HSD17B3: variants seen among roughly 807,000 people sequenced by gnomAD.
HSD17B3 encodes hydroxysteroid 17-beta dehydrogenase 3.
Under a neutral mutation model 41.1 loss-of-function variants are expected in HSD17B3, and 29 were observed. The ratio of observed to expected loss-of-function variants is 0.71; its 90% CI spans 0.53 to 0.96. The LOEUF (loss-of-function observed/expected upper bound fraction) is 0.96. Among genes scored for constraint, HSD17B3 ranks in the 40% least tolerant of loss-of-function variants. The probability of loss-of-function intolerance (pLI) is 0.00; values close to 1 mark genes in which losing one functional copy is unlikely to be tolerated. For missense variants in HSD17B3, 323 were observed against 374.6 expected, an observed-to-expected ratio of 0.86 and a Z score of 1.14; for synonymous variants, 126 against 145.6, an observed-to-expected ratio of 0.87 and a Z score of 0.97.
chr9:96,242,012 A>AAAGAGAAAG, intron 9 of HSD17B3, among the ~76,000 whole-genome samples: 1 of 133,918 alleles, frequency 7.5e-6, no homozygotes, highest in Non-Finnish European at 1.7e-5. Flanking sequence ...AAAGAGAAAG[A>AAAGAGAAAG]AAAGAAAGAA....
At chr9:96,263,744 A>T (rs186083743) in intron 2 of HSD17B3, among the ~76,000 whole-genome samples, 187 of 152,062 alleles carry the variant, frequency 1.2e-3, no homozygotes, top group African/African-American at 4.3e-3. Flanking sequence ...AATAAATAAA[A>T]AATAAAAATA....
At chr9:96,292,896 C>T (rs1459247953) in intron 2 of HSD17B3, among the ~76,000 whole-genome samples, 1 of 152,142 alleles carries the variant, frequency 6.6e-6, no homozygotes, top group African/African-American at 2.4e-5. Flanking sequence ...TTTTCAAGTG[C>T]TGAAAGAAAA....
chr9:96,260,415 G>T (rs2130742918), intron 2 of HSD17B3, among the ~76,000 whole-genome samples: 1 of 152,248 alleles, frequency 6.6e-6, no homozygotes, highest in South Asian at 2.1e-4. Context: ...GATCTAACCA[G>T]CCCCTTGTCT....
intron 10 of HSD17B3, chr9:96,239,483 G>A (rs1836350087): frequency 6.6e-6 from 1 of 152,234 alleles, no homozygotes; most frequent in South Asian, 2.1e-4. Context: ...CTGCTTTGTA[G>A]TGTGAGTTAC....
At chr9:96,278,825 C>G (rs747539699) in intron 2 of HSD17B3, among the ~76,000 whole-genome samples, 11 of 152,152 alleles carry the variant, frequency 7.2e-5, no homozygotes, top group Non-Finnish European at 1.2e-4. Flanking sequence ...GCAGATGGTG[C>G]CTTACAAGGC....
intron 2 of HSD17B3, among the ~76,000 whole-genome samples, chr9:96,295,002 C>CTT (rs10541572): frequency 5.0e-4 from 33 of 66,170 alleles, no homozygotes; most frequent in Admixed American, 7.2e-4. Context: ...ACACGAGGAG[C>CTT]TTTTTTTTTT....
At position 96,283,009 on chromosome 9, in the gene HSD17B3, T is replaced by C. The variant is rs1184923778; in HGVS notation, c.201+15407A>G. Among the ~76,000 whole-genome samples the C allele has an allele frequency of 1.9e-3, 234 of 121,104 alleles. 1 individual carries two copies. Among genetic ancestry groups the C allele is most frequent in the Non-Finnish European group, 3.3e-3 (186 of 57,134 alleles). 79.4% of individuals were successfully genotyped at this position (121,104 alleles called of 152,430 possible). A position where few individuals can be genotyped will look rare whatever the true frequency, so the allele number is the denominator to read the frequency against. The stretch of plus-strand genomic sequence containing the variant: ...GTTTCTTTCTTTTTTTTTTTTTTTT[T>C]TTTTTTTTTTTTAGAGATGGAGTTT... On this transcript the variant is annotated intron_variant, in intron 2 of 10. Coordinates refer to ENST00000375263, the MANE Select transcript of HSD17B3 (RefSeq NM_000197.2).
intron 2 of HSD17B3, among the ~76,000 whole-genome samples, chr9:96,255,260 C>T (rs1250136291): frequency 2.0e-5 from 3 of 150,510 alleles, no homozygotes; most frequent in Non-Finnish European, 4.4e-5. Context: ...TTCATGGGCT[C>T]AGCTATGCAT....
At position 96,267,533 on chromosome 9, in the gene HSD17B3, G is replaced by T. The variant is rs185963083; in HGVS notation, c.202-12590C>A. On this transcript the variant is annotated intron_variant, in intron 2 of 10. Coordinates refer to ENST00000375263, the MANE Select transcript of HSD17B3 (RefSeq NM_000197.2). ...ACTACGTCTATGAAAAGAACACGCT[G>T]CTCCACAAATGAAAATTCAAAAACG... is the stretch of plus-strand genomic sequence containing the variant. Among the ~76,000 whole-genome samples the T allele has an allele frequency of 2.9e-3, 438 of 151,936 alleles. 2 individuals carry two copies. The highest frequency in any genetic ancestry group is 9.6e-3 in the African/African-American group (397 of 41,434).
At chr9:96,257,288 T>G (rs1221470697) in intron 2 of HSD17B3, among the ~76,000 whole-genome samples, 2 of 152,220 alleles carry the variant, frequency 1.3e-5, no homozygotes. Context: ...TCTATTTGTA[T>G]TTATTAAATT....
At chr9:96,285,048 A>C (rs1043937000) in intron 2 of HSD17B3, among the ~76,000 whole-genome samples, 1 of 152,180 alleles carries the variant, frequency 6.6e-6, no homozygotes, top group African/African-American at 2.4e-5. Flanking sequence ...CATGTTGGCC[A>C]GGCTGGTCTT....
At chr9:96,251,113 T>C in intron 5 of HSD17B3, 1 of 410,544 alleles carries the variant, frequency 2.4e-6, no homozygotes, top group Admixed American at 3.7e-5. Flanking sequence ...TGCGAATGTG[T>C]TAGGCAGAAT....
At chr9:96,259,001 G>A (rs1006071693) in intron 2 of HSD17B3, among the ~76,000 whole-genome samples, 1 of 152,174 alleles carries the variant, frequency 6.6e-6, no homozygotes. Flanking sequence ...CATCTTTACC[G>A]CCAGGTCTCT....
Position 96,298,676 on chromosome 9 carries a change from TGTTGGTTG to T in HSD17B3, c.155-222_155-215del, listed in dbSNP as rs552741682. Reference sequence around the variant, plus strand: ...GGGTGGGTTGGTTGGTTGGTTGGTTTGTTGGTTGGTTGGTTGGTTGGTTAGTTGGTGTT... The same window carrying T: ...GGGTGGGTTGGTTGGTTGGTTGGTTTGTTGGTTGGTTGGTTAGTTGGTGTT... On this transcript the variant is annotated intron_variant, in intron 1 of 10. Transcript: ENST00000375263. Among the ~76,000 whole-genome samples, 232 of 152,004 alleles carry T rather than the reference TGTTGGTTG, an allele frequency of 1.5e-3. 1 individual carries two copies. Among genetic ancestry groups the T allele is most frequent in the Non-Finnish European group, 2.9e-3 (194 of 67,974 alleles).
In HSD17B3 at chr9:96,272,622, G is replaced by A. The variant is rs914850358; in HGVS notation, c.202-17679C>T. On this transcript the variant is annotated intron_variant, in intron 2 of 10. Coordinates refer to ENST00000375263, the MANE Select transcript of HSD17B3 (RefSeq NM_000197.2). ...AAAATGGATCATTCATACACTGCTAGGGGAATACAGCAACTGTGGAAAAGA... is the reference window on the plus strand; with the variant it reads ...AAAATGGATCATTCATACACTGCTAAGGGAATACAGCAACTGTGGAAAAGA... 3.3e-5 allele frequency among the ~76,000 whole-genome samples: 5 copies of A among 150,516 alleles called. No homozygotes were observed. In the Admixed American group the frequency reaches 3.3e-4, roughly 10 times the overall value.
intron 2 of HSD17B3, among the ~76,000 whole-genome samples, chr9:96,294,892 G>A (rs1827287177): frequency 6.7e-6 from 1 of 150,216 alleles, no homozygotes; most frequent in Admixed American, 6.7e-5. Flanking sequence ...ACATGAATTA[G>A]AATAAAAGCA....
At chr9:96,298,663 T>G (rs920656793) in intron 1 of HSD17B3, among the ~76,000 whole-genome samples, 4 of 151,942 alleles carry the variant, frequency 2.6e-5, no homozygotes, top group African/African-American at 9.7e-5. Context: ...GTGGGTTGGT[T>G]GGTTGGTTGG....
intron 1 of HSD17B3, among the ~76,000 whole-genome samples, chr9:96,301,645 AG>A (rs1827610694): frequency 6.8e-6 from 1 of 147,972 alleles, no homozygotes; most frequent in Admixed American, 6.8e-5. Flanking sequence ...CAGGAGGCAG[AG>A]GTTGCAGTGA....
chr9:96,287,594 C>T (rs568220734), intron 2 of HSD17B3, among the ~76,000 whole-genome samples: 92 of 152,188 alleles, frequency 6.0e-4, no homozygotes, highest in Admixed American at 2.5e-3. Flanking sequence ...CCTGTAGTCC[C>T]AGCTACCAGG....
Sources: gnomAD v4.1 joint callset for allele counts (sites outside exome capture counted in the v4.1 genomes callset) on GRCh38, gnomAD v4.1.1 for gene constraint, MANE v1.5 for transcripts, NCBI Gene and HGNC (gene_info 2026-07-23, HGNC 2026-07-21) for gene names.